SBNO1: variants seen among roughly 807,000 people sequenced by gnomAD.
The protein encoded by SBNO1 is protein strawberry notch homolog 1.
In SBNO1, 23 loss-of-function variants were observed where a neutral mutation model predicts 173.6. That is an observed-to-expected ratio of 0.13 (90% CI 0.10 to 0.19). The LOEUF is 0.19. Among genes scored for constraint, SBNO1 ranks in the 10% least tolerant of loss-of-function variants. The pLI is 1.00. For synonymous variants in SBNO1, 632 were observed against 571.5 expected (o/e 1.11, Z -1.51); for missense variants, 1,238 against 1,671.2 (o/e 0.74, Z 4.52).
chr12:123,313,832 T>C (rs1469729944), intron 23 of SBNO1, 113 bp from the exon 24 acceptor site: 2 of 609,722 alleles, frequency 3.3e-6, no homozygotes, highest in Non-Finnish European at 2.9e-6. Context: ...CTCATGCCTG[T>C]AATCCCAGCA....
At chr12:123,336,555 GA>G in intron 5 of SBNO1, 64 bp from the exon 6 acceptor site, 1 of 995,728 alleles carries the variant, frequency 1.0e-6, no homozygotes, top group South Asian at 1.4e-5. Context: ...CCAACACACA[GA>G]AAAACTCTCT....
At chr12:123,343,894 T>C (rs1013995016) in intron 4 of SBNO1, among the ~76,000 whole-genome samples, 2 of 152,194 alleles carry the variant, frequency 1.3e-5, no homozygotes, top group African/African-American at 4.8e-5. Context: ...CATACATGGA[T>C]AGTCTTGCTG....
chr12:123,343,041 A>G (rs748132354), intron 4 of SBNO1, among the ~76,000 whole-genome samples: 1 of 152,180 alleles, frequency 6.6e-6, no homozygotes, highest in Non-Finnish European at 1.5e-5. Flanking sequence ...CAGGAGTTCA[A>G]GATCAGCATG....
At chr12:123,329,168 T>G (rs796903335) in intron 9 of SBNO1, among the ~76,000 whole-genome samples, 4 of 152,192 alleles carry the variant, frequency 2.6e-5, no homozygotes, top group African/African-American at 9.6e-5. Context: ...TCGCTTGAGC[T>G]CAGGAGTTCC....
intron 6 of SBNO1, 152 bp from the exon 7 acceptor site, chr12:123,334,365 A>C (rs1218950448): frequency 1.7e-6 from 1 of 586,404 alleles, no homozygotes; most frequent in Non-Finnish European, 3.0e-6. Context: ...ACTGATGACA[A>C]AGTACTATCT....
chr12:123,298,169 C>T lies in SBNO1; in HGVS notation c.3848G>A (p.Arg1283His), dbSNP rs1490089210. ...CAAGCTTGCTTTTTTGCAATTGCCG[C>T]GCCTAAGAAAAATGGGAAAGAAATA... is the stretch of plus-strand genomic sequence containing the variant. ...SADTCTHAYW[R>H]GNCKKASLGL... The change falls in exon 31 of 32, where the codon CGC (arginine) becomes CAC (histidine). Residue 1283 changes from arginine (R) to histidine (H), a missense_variant and splice_region_variant. Transcript: ENST00000602398. The T allele has an allele frequency of 3.1e-6, 5 of 1,610,016 alleles. No homozygotes were observed. The highest frequency in any genetic ancestry group is 3.4e-6 in the Non-Finnish European group (4 of 1,179,042).
intron 2 of SBNO1, 60 bp from the exon 3 acceptor site, chr12:123,348,193 G>T: frequency 1.1e-6 from 1 of 937,650 alleles, no homozygotes; most frequent in Non-Finnish European, 1.7e-6. Context: ...CTGTTTCAAG[G>T]ACAAGGTTTG....
At chr12:123,341,769 C>A (rs144127973) in intron 4 of SBNO1, among the ~76,000 whole-genome samples, 11,231 of 151,878 alleles carry the variant, frequency 0.074, 1,129 homozygotes, top group African/African-American at 0.23. Flanking sequence ...CTCAGGTGAT[C>A]TGCCCACTTT....
At position 123,309,505 on chromosome 12, in the gene SBNO1, T is replaced by C. The variant is rs909454430; in HGVS notation, c.3521A>G (p.His1174Arg). Residue 1174 changes from histidine to arginine, a missense_variant, in exon 27 of 32, where the codon CAC becomes CGC. By Grantham distance (29) the His-to-Arg change is conservative. Coordinates refer to ENST00000602398, the MANE Select transcript of SBNO1 (RefSeq NM_001167856.3). The stretch of plus-strand genomic sequence containing the variant: ...TAAACTTACTGTGTATAATTCTACG[T>C]GGCCAGAGGTTGAATATCCTGGAGT... ...FLTPGYSTSG[H>R]VELYTISVER... 28 of 1,613,260 alleles carry C rather than the reference T, an allele frequency of 1.7e-5. No homozygotes were observed. The highest frequency in any genetic ancestry group is 1.7e-5 in the Non-Finnish European group (20 of 1,179,300).
chr12:123,349,331 G>A (rs1873610359), intron 2 of SBNO1, among the ~76,000 whole-genome samples: 1 of 151,856 alleles, frequency 6.6e-6, no homozygotes, highest in South Asian at 2.1e-4. Flanking sequence ...CAAACTCCTG[G>A]GCTCAAGCAA....
intron 3 of SBNO1, among the ~76,000 whole-genome samples, chr12:123,346,579 G>T (rs953090849): frequency 1.3e-5 from 2 of 152,172 alleles, no homozygotes; most frequent in Admixed American, 6.6e-5. Flanking sequence ...CAGGAGAATG[G>T]CCTGAACACA....
rs1346031534 is a variant in SBNO1 at position 123,309,313 on chromosome 12, C to T, written c.3627G>A (p.Leu1209=). 6.2e-7 allele frequency: 1 copy of T among 1,610,226 alleles called. No individual in the cohort carries two copies. The highest frequency in any genetic ancestry group is 2.2e-5 in the East Asian group (1 of 44,858). The change falls in exon 28 of 32, where the codon TTG becomes TTA. Residue 1209 remains leucine, a synonymous_variant. Transcript: ENST00000602398. The part of the protein sequence containing the change: ...TGPDDGFYLS[L]QIRNNKKTAI... ...GAATTTAAAGGAAAAGTCGTACTTG[C>T]AATGACAAGTAAAAGCCATCGTCTG...
In SBNO1 at chr12:123,292,468, A is replaced by G. The variant is rs1268204229; in HGVS notation, c.*3440T>C. 2 of 152,172 alleles carry G rather than the reference A, an allele frequency of 1.3e-5. No homozygotes were observed. The highest frequency in any genetic ancestry group is 2.9e-5 in the Non-Finnish European group (2 of 68,026). The allele number at this position is 152,172 out of a possible 1,614,324, so 9.4% of individuals were successfully genotyped here. On this transcript the variant is annotated 3_prime_UTR_variant, in exon 32 of 32. Coordinates refer to ENST00000602398, the MANE Select transcript of SBNO1 (RefSeq NM_001167856.3). ...GGAGAGGGAAGAAGGCTCCCATTCT[A>G]CAATTATAAATGCTGTCCTGGTAGC...
At chr12:123,331,675 C>G (rs1871224349) in intron 7 of SBNO1, among the ~76,000 whole-genome samples, 1 of 152,128 alleles carries the variant, frequency 6.6e-6, no homozygotes, top group African/African-American at 2.4e-5. Flanking sequence ...GCGCCCGCCA[C>G]CACGCCTGGC....
At chr12:123,354,421 G>A (rs1874201353) in intron 1 of SBNO1, among the ~76,000 whole-genome samples, 1 of 151,990 alleles carries the variant, frequency 6.6e-6, no homozygotes, top group Admixed American at 6.6e-5. Flanking sequence ...ATACATAAAT[G>A]GAATACTAGG....
At chr12:123,302,336 G>A (rs1350154590) in intron 30 of SBNO1, among the ~76,000 whole-genome samples, 5 of 151,240 alleles carry the variant, frequency 3.3e-5, no homozygotes, top group South Asian at 2.1e-4. Context: ...TCCACCTTCC[G>A]GGTTCAAGCG....
intron 25 of SBNO1, among the ~76,000 whole-genome samples, chr12:123,310,123 A>G (rs573828211): frequency 1.3e-5 from 2 of 152,338 alleles, no homozygotes; most frequent in African/African-American, 4.8e-5. Context: ...GTACATAAGA[A>G]AGTTAGTTCT....
chr12:123,296,539 A>T (rs1158030493), intron 31 of SBNO1, among the ~76,000 whole-genome samples: 1 of 150,316 alleles, frequency 6.7e-6, no homozygotes, highest in African/African-American at 2.4e-5. Flanking sequence ...GATAAATTGC[A>T]TGCATATATA....
chr12:123,350,546 T>TAATA, intron 1 of SBNO1, 105 bp from the exon 2 acceptor site: 3 of 912,904 alleles, frequency 3.3e-6, no homozygotes, highest in Non-Finnish European at 5.2e-6. Context: ...ACCCATTCAT[T>TAATA]CAGTATTAAT....
Sources: gnomAD v4.1 joint callset for allele counts (sites outside exome capture counted in the v4.1 genomes callset) on GRCh38, gnomAD v4.1.1 for gene constraint, MANE v1.5 for transcripts, NCBI Gene and HGNC (gene_info 2026-07-23, HGNC 2026-07-21) for gene names.